The following ZNF385B variants were observed in gnomAD, a reference collection of about 807,000 sequenced individuals.
ZNF385B encodes the protein zinc finger protein 533.
A neutral mutation model predicts 39.2 loss-of-function variants in ZNF385B; 23 were observed. That is an observed-to-expected ratio of 0.59 (90% CI 0.42 to 0.83). The LOEUF is 0.83. ZNF385B is among the 40% of genes least tolerant of loss of function. The pLI is 0.00. For synonymous variants in ZNF385B, 205 were observed against 222.6 expected (o/e 0.92, Z 0.70); for missense variants, 552 against 598.9 (o/e 0.92, Z 0.82).
intron 1 of ZNF385B, among the ~76,000 whole-genome samples, chr2:179,797,238 A>G (rs1575508362): frequency 6.6e-6 from 1 of 152,230 alleles, no homozygotes; most frequent in East Asian, 1.9e-4. Context: ...TTCACTCCCA[A>G]TTTTGACAAA....
chr2:179,514,602 T>A (rs1224378754), intron 5 of ZNF385B, among the ~76,000 whole-genome samples: 1 of 152,176 alleles, frequency 6.6e-6, no homozygotes, highest in Non-Finnish European at 1.5e-5. Flanking sequence ...GTCAATAGTA[T>A]GCTACCATTT....
chr2:179,554,719 T>A (rs2060794091), intron 3 of ZNF385B, among the ~76,000 whole-genome samples: 1 of 149,146 alleles, frequency 6.7e-6, no homozygotes, highest in African/African-American at 2.5e-5. Flanking sequence ...AAAGCATATA[T>A]TAAAATGGCC....
chr2:179,477,260 T>G (rs1397280353), intron 6 of ZNF385B, among the ~76,000 whole-genome samples: 1 of 152,160 alleles, frequency 6.6e-6, no homozygotes, highest in African/African-American at 2.4e-5. Flanking sequence ...TAGACAAAAT[T>G]GAAAATGCAC....
At chr2:179,522,915 T>C in intron 4 of ZNF385B, 1 of 447,348 alleles carries the variant, frequency 2.2e-6, no homozygotes, top group South Asian at 1.7e-5. Context: ...ATAAGCCTCT[T>C]CTTTTCTAAA....
intron 3 of ZNF385B, among the ~76,000 whole-genome samples, chr2:179,751,514 T>G (rs990660108): frequency 6.6e-6 from 1 of 152,150 alleles, no homozygotes; most frequent in East Asian, 1.9e-4. Context: ...GTGATAAATC[T>G]GGCCTATGTA....
chr2:179,680,265 A>G (rs1051251452), intron 3 of ZNF385B, among the ~76,000 whole-genome samples: 1 of 152,190 alleles, frequency 6.6e-6, no homozygotes, highest in Non-Finnish European at 1.5e-5. Flanking sequence ...AACTTCCTTA[A>G]TTTGAAAAAG....
intron 3 of ZNF385B, among the ~76,000 whole-genome samples, chr2:179,651,218 C>T (rs991103848): frequency 6.6e-6 from 1 of 151,856 alleles, no homozygotes; most frequent in Non-Finnish European, 1.5e-5. Flanking sequence ...GTAACTGACA[C>T]AGGATACACT....
intron 3 of ZNF385B, among the ~76,000 whole-genome samples, chr2:179,640,584 G>A (rs1356065): frequency 1.3e-5 from 2 of 152,074 alleles, no homozygotes; most frequent in African/African-American, 4.8e-5. Flanking sequence ...GTAGGATATG[G>A]TTTGAAATTG....
intron 3 of ZNF385B, among the ~76,000 whole-genome samples, chr2:179,697,983 T>C (rs1483219495): frequency 6.6e-6 from 1 of 152,038 alleles, no homozygotes; most frequent in Non-Finnish European, 1.5e-5. Flanking sequence ...TAGGTGGGAA[T>C]TGAACAATGA....
At chr2:179,819,944 C>A (rs377752041) in intron 1 of ZNF385B, among the ~76,000 whole-genome samples, 184 of 152,176 alleles carry the variant, frequency 1.2e-3, no homozygotes, top group African/African-American at 4.2e-3. Flanking sequence ...GGAGATAGAT[C>A]GAAATCATAG....
At chr2:179,612,143 T>C (rs967433039) in intron 3 of ZNF385B, among the ~76,000 whole-genome samples, 3 of 152,346 alleles carry the variant, frequency 2.0e-5, no homozygotes, top group East Asian at 1.9e-4. Context: ...TTAAATTTCA[T>C]TGAGTTTCTT....
At chr2:179,844,386 T>C (rs1164398975) in intron 1 of ZNF385B, among the ~76,000 whole-genome samples, 2 of 152,222 alleles carry the variant, frequency 1.3e-5, no homozygotes, top group African/African-American at 2.4e-5. Flanking sequence ...ACTATAGTCT[T>C]ATGACTTAAA....
chr2:179,651,038 A>G (rs2106246668), intron 3 of ZNF385B, among the ~76,000 whole-genome samples: 1 of 152,308 alleles, frequency 6.6e-6, no homozygotes, highest in Non-Finnish European at 1.5e-5. Flanking sequence ...ACTCGAAGAA[A>G]GGACATGACT....
At chr2:179,575,192 A>G (rs1245190429) in intron 3 of ZNF385B, among the ~76,000 whole-genome samples, 1 of 152,156 alleles carries the variant, frequency 6.6e-6, no homozygotes, top group Non-Finnish European at 1.5e-5. Context: ...GCTGAAAGCC[A>G]AATTTATTTG....
At chr2:179,682,787 T>C (rs1210884807) in intron 3 of ZNF385B, among the ~76,000 whole-genome samples, 2 of 152,096 alleles carry the variant, frequency 1.3e-5, no homozygotes, top group East Asian at 1.9e-4. Flanking sequence ...TTTTAAAAAT[T>C]GACTTCACTG....
intron 1 of ZNF385B, among the ~76,000 whole-genome samples, chr2:179,828,665 G>C (rs1334378540): frequency 6.6e-6 from 1 of 152,200 alleles, no homozygotes; most frequent in Non-Finnish European, 1.5e-5. Context: ...CATGAAGTTT[G>C]AGAGTATGAA....
At chr2:179,711,809 T>C (rs73973703) in intron 3 of ZNF385B, among the ~76,000 whole-genome samples, 25,608 of 151,678 alleles carry the variant, frequency 0.17, 2,626 homozygotes, top group East Asian at 0.5. Flanking sequence ...AAAAATGCTA[T>C]ATAAACTGCA....
chr2:179,507,991 G>A (rs1434623678), intron 5 of ZNF385B, among the ~76,000 whole-genome samples: 1 of 152,128 alleles, frequency 6.6e-6, no homozygotes, highest in Non-Finnish European at 1.5e-5. Context: ...TTTAAAGAGC[G>A]CTTGAGAGAT....
rs540704628 is a variant in ZNF385B at position 179,659,469 on chromosome 2, A to G, written c.298+110034T>C. On this transcript the variant is annotated intron_variant, in intron 3 of 9. Coordinates refer to ENST00000410066, the MANE Select transcript of ZNF385B (RefSeq NM_152520.6). The stretch of plus-strand genomic sequence containing the variant: ...AGCTTCCTATATCATCTTCTTTGAA[A>G]GGTTTGTCAGATTTCTATTAAGACT... Among the ~76,000 whole-genome samples the G allele has an allele frequency of 1.6e-4, 25 of 152,186 alleles. 1 individual carries two copies. Among genetic ancestry groups the G allele is most frequent in the Non-Finnish European group, 2.9e-4 (20 of 67,974 alleles).
Sources: allele counts gnomAD v4.1 joint callset (sites outside exome capture counted in the v4.1 genomes callset), GRCh38; gene constraint gnomAD v4.1.1; transcripts MANE v1.5; gene names NCBI Gene and HGNC (gene_info 2026-07-23, HGNC 2026-07-21).